Variants in ZNRF1 observed in about 807,000 individuals in gnomAD.
The protein encoded by ZNRF1 is zinc and ring finger 1, also known as E3 ubiquitin-protein ligase ZNRF1.
A neutral mutation model predicts 18.4 loss-of-function variants in ZNRF1; 3 were observed. The ratio of observed to expected loss-of-function variants is 0.16; its 90% confidence interval spans 0.07 to 0.42. The LOEUF is 0.42. Ranked by LOEUF, ZNRF1 falls within the 10% of genes least tolerant of loss-of-function variation. The pLI is 0.99. For synonymous variants in ZNRF1, 157 were observed against 144.2 expected (o/e 1.09, Z -0.64); for missense variants, 310 against 329.8 (o/e 0.94, Z 0.47).
chr16:75,070,467 CG>C (rs2035857278), intron 1 of ZNRF1, among the ~76,000 whole-genome samples: 3 of 152,178 alleles, frequency 2.0e-5, no homozygotes, highest in African/African-American at 4.8e-5. Flanking sequence ...ACCTTGCCCC[CG>C]ATCCTGCTTT....
intron 3 of ZNRF1, 103 bp downstream of exon 3, chr16:75,104,992 C>A: frequency 1.0e-6 from 1 of 961,442 alleles, no homozygotes; most frequent in East Asian, 2.7e-5. Context: ...TGACCTCTCC[C>A]CCGACCTCTG....
At chr16:75,076,086 A>G (rs536059786) in intron 1 of ZNRF1, among the ~76,000 whole-genome samples, 25 of 152,374 alleles carry the variant, frequency 1.6e-4, no homozygotes, top group African/African-American at 5.0e-4. Context: ...ATCATGAGAT[A>G]TAGAGCCCTG....
At chr16:75,034,836 A>G (rs747212111) in intron 1 of ZNRF1, among the ~76,000 whole-genome samples, 64 of 151,810 alleles carry the variant, frequency 4.2e-4, no homozygotes, top group Non-Finnish European at 8.2e-4. Context: ...CACGTTGCCC[A>G]GGCTGGTCTC....
At chr16:75,106,678 CA>C in intron 4 of ZNRF1, 107 bp downstream of exon 4, 1 of 817,510 alleles carries the variant, frequency 1.2e-6, no homozygotes, top group South Asian at 1.5e-5. Context: ...GAGAAGAAAG[CA>C]GGAGCAGAGG....
In ZNRF1 at chr16:75,003,637, C is replaced by T. The variant is rs542712576; in HGVS notation, c.424+3542C>T. Among the ~76,000 whole-genome samples the T allele has an allele frequency of 9.6e-4, 146 of 152,246 alleles. 1 individual carries two copies. The Middle Eastern group carries it at 0.01, about 11-fold the overall frequency. Reference sequence around the variant, plus strand: ...TGGGCTCTTAACCAGTACCCTCTTCCGCCTCTTATCTGAAAACATCACAAA... The same window carrying T: ...TGGGCTCTTAACCAGTACCCTCTTCTGCCTCTTATCTGAAAACATCACAAA... On this transcript the variant is annotated intron_variant, in intron 1 of 4. Coordinates refer to ENST00000335325, the MANE Select transcript of ZNRF1 (RefSeq NM_032268.5).
chr16:75,080,952 T>A (rs537974571), intron 1 of ZNRF1, among the ~76,000 whole-genome samples: 7 of 152,136 alleles, frequency 4.6e-5, no homozygotes, highest in Admixed American at 4.6e-4. Flanking sequence ...GGTGGGCGGA[T>A]CACCAGGTCA....
chr16:75,022,795 T>C (rs1283861115), intron 1 of ZNRF1, among the ~76,000 whole-genome samples: 1 of 152,212 alleles, frequency 6.6e-6, no homozygotes, highest in Admixed American at 6.5e-5. Flanking sequence ...GCTCTTATAG[T>C]ACAGAGAGAA....
chr16:75,038,773 A>G (rs560284222), intron 1 of ZNRF1, among the ~76,000 whole-genome samples: 1 of 152,162 alleles, frequency 6.6e-6, no homozygotes, highest in Non-Finnish European at 1.5e-5. Context: ...TTCATACAAC[A>G]TGGCATTCCA....
intron 1 of ZNRF1, among the ~76,000 whole-genome samples, chr16:75,059,151 G>A (rs1207244624): frequency 2.0e-5 from 3 of 151,938 alleles, no homozygotes; most frequent in Non-Finnish European, 2.9e-5. Flanking sequence ...TGCCCTTGTA[G>A]GCTTGGCCCC....
At chr16:75,030,467 G>A (rs2035287443) in intron 1 of ZNRF1, among the ~76,000 whole-genome samples, 1 of 151,968 alleles carries the variant, frequency 6.6e-6, no homozygotes, top group Non-Finnish European at 1.5e-5. Flanking sequence ...AAGAAAAAGA[G>A]AAAAAAACTA....
chr16:75,076,612 A>G (rs970861669), intron 1 of ZNRF1, among the ~76,000 whole-genome samples: 12 of 147,714 alleles, frequency 8.1e-5, no homozygotes, highest in African/African-American at 3.0e-4. Context: ...TCCATAGCAC[A>G]TGGCATCCTC....
chr16:75,035,203 T>G (rs2035362296), intron 1 of ZNRF1, among the ~76,000 whole-genome samples: 1 of 151,078 alleles, frequency 6.6e-6, no homozygotes, highest in African/African-American at 2.4e-5. Flanking sequence ...ACAACTATAT[T>G]TTGTAATTTT....
At chr16:75,078,359 C>G (rs111438883) in intron 1 of ZNRF1, among the ~76,000 whole-genome samples, 10 of 137,412 alleles carry the variant, frequency 7.3e-5, no homozygotes, top group African/African-American at 2.8e-4. Context: ...AGTGCAATGG[C>G]GCAATCTCTG....
At chr16:75,091,826 C>G (rs569218097) in intron 1 of ZNRF1, among the ~76,000 whole-genome samples, 3 of 152,178 alleles carry the variant, frequency 2.0e-5, no homozygotes, top group South Asian at 4.2e-4. Context: ...CATGCACGAC[C>G]ACACCCAGCC....
intron 2 of ZNRF1, among the ~76,000 whole-genome samples, chr16:75,103,794 G>A (rs1006578950): frequency 6.6e-6 from 1 of 152,106 alleles, no homozygotes; most frequent in East Asian, 1.9e-4. Context: ...AGACCAGCCC[G>A]GCCAACATGG....
chr16:75,106,957 T>C lies in ZNRF1; in HGVS notation c.*32+386T>C, dbSNP rs796571991. On this transcript the variant is annotated intron_variant, in intron 4 of 4. Transcript: ENST00000335325. ...CTCACCTCTGAGTCTCCGCCTCTTC[T>C]ATGGTAACGGGGATAATCTCACTCC... 2.4e-4 allele frequency: 49 copies of C among 204,152 alleles called. 2 individuals carry two copies. Among genetic ancestry groups the C allele is most frequent in the African/African-American group, 1.1e-3 (48 of 44,110 alleles). The allele number at this position is 204,152 out of a possible 1,614,324, so 12.6% of individuals were successfully genotyped here. A position where few individuals can be genotyped will look rare whatever the true frequency, so the allele number is the denominator to read the frequency against.
chr16:75,074,207 G>A (rs1000655539), intron 1 of ZNRF1, among the ~76,000 whole-genome samples: 1 of 152,210 alleles, frequency 6.6e-6, no homozygotes, highest in African/African-American at 2.4e-5. Flanking sequence ...TATGGAGGCA[G>A]TGTGGTGCCA....
intron 1 of ZNRF1, among the ~76,000 whole-genome samples, chr16:75,001,410 G>A (rs1413440417): frequency 8.2e-6 from 1 of 121,990 alleles, no homozygotes; most frequent in East Asian, 2.0e-4. Flanking sequence ...GAAGTAGCTT[G>A]TGAATTGTTA....
intron 1 of ZNRF1, among the ~76,000 whole-genome samples, chr16:75,028,385 C>T (rs2035254031): frequency 6.6e-6 from 1 of 152,184 alleles, no homozygotes; most frequent in Non-Finnish European, 1.5e-5. Flanking sequence ...CCTCTGTCTC[C>T]TGGGTTCAAG....
Sources: gnomAD v4.1 joint callset for allele counts (sites outside exome capture counted in the v4.1 genomes callset) on GRCh38, gnomAD v4.1.1 for gene constraint, MANE v1.5 for transcripts, NCBI Gene and HGNC (gene_info 2026-07-23, HGNC 2026-07-21) for gene names.